FAM177A1: variants seen among roughly 807,000 people sequenced by gnomAD.
FAM177A1 encodes the protein family with sequence similarity 177 member A1.
A neutral mutation model predicts 26.1 loss-of-function variants in FAM177A1; 22 were observed. The ratio of observed to expected loss-of-function variants is 0.84; its 90% CI spans 0.60 to 1.20. The LOEUF (loss-of-function observed/expected upper bound fraction) is 1.20. Ranked by LOEUF, FAM177A1 falls within the 50% of genes most tolerant of loss-of-function variation. The pLI is 0.00. For synonymous variants in FAM177A1, 95 were observed against 99.3 expected, an observed-to-expected ratio of 0.96 and a Z score of 0.26; for missense variants, 296 against 291.1, an observed-to-expected ratio of 1.02 and a Z score of -0.12.
At chr14:35,062,752 C>A (rs1360696189) in intron 2 of FAM177A1, among the ~76,000 whole-genome samples, 1 of 150,504 alleles carries the variant, frequency 6.6e-6, no homozygotes, top group Admixed American at 6.6e-5. Flanking sequence ...CATGATCATG[C>A]CACTGTACTC....
At chr14:35,078,843 G>C (rs1240921244) in intron 3 of FAM177A1, 84 bp from the exon 4 acceptor site, 2 of 867,652 alleles carry the variant, frequency 2.3e-6, no homozygotes, top group Non-Finnish European at 3.4e-6. Context: ...AGTAACTCTT[G>C]TATTCCTACA....
intron 1 of FAM177A1, among the ~76,000 whole-genome samples, chr14:35,050,628 T>C: frequency 6.6e-6 from 1 of 151,012 alleles, no homozygotes; most frequent in South Asian, 2.1e-4. Flanking sequence ...AAGCCTCTAC[T>C]GTCTTGGGGG....
At chr14:35,050,318 A>G (rs2044944470) in intron 1 of FAM177A1, 1 of 152,026 alleles carries the variant, frequency 6.6e-6, no homozygotes, top group South Asian at 2.1e-4. Flanking sequence ...CACAGTGTAA[A>G]TTTTATTTGT....
intron 2 of FAM177A1, among the ~76,000 whole-genome samples, chr14:35,072,853 C>A (rs756399145): frequency 6.6e-6 from 1 of 152,138 alleles, no homozygotes; most frequent in Non-Finnish European, 1.5e-5. Flanking sequence ...CCCTCCACCC[C>A]CCCTTTCCTT....
chr14:35,060,002 T>C (rs1250385751), intron 2 of FAM177A1, among the ~76,000 whole-genome samples: 1 of 147,306 alleles, frequency 6.8e-6, no homozygotes, highest in African/African-American at 2.5e-5. Context: ...AGATGGAGTT[T>C]CACTCTTGTC....
intron 2 of FAM177A1, among the ~76,000 whole-genome samples, chr14:35,057,986 T>C (rs753453305): frequency 6.6e-6 from 1 of 152,158 alleles, no homozygotes; most frequent in Non-Finnish European, 1.5e-5. Context: ...CTGTGAGGTC[T>C]AATTGATTTT....
At chr14:35,060,433 C>A (rs1253385326) in intron 2 of FAM177A1, among the ~76,000 whole-genome samples, 1 of 151,770 alleles carries the variant, frequency 6.6e-6, no homozygotes, top group Non-Finnish European at 1.5e-5. Context: ...TCTGTTAAAT[C>A]CAGCATCTTG....
At position 35,081,250 on chromosome 14, in the gene FAM177A1, CAAACTCTT is replaced by C; in HGVS notation, c.*25_*32del. On this transcript the variant is annotated 3_prime_UTR_variant, in exon 5 of 5. Transcript: ENST00000280987. ...ATAAAATGAAATGACTATCAAGCTT[CAAACTCTT>C]AAGTTTTTTTTTTTTAATACAAAAA... 1 of 1,575,228 alleles carries C rather than the reference CAAACTCTT, an allele frequency of 6.3e-7. No homozygotes were observed. The highest frequency in any genetic ancestry group is 8.6e-7 in the Non-Finnish European group (1 of 1,166,900).
chr14:35,052,046 C>T (rs1476576098), intron 1 of FAM177A1, among the ~76,000 whole-genome samples: 2 of 152,138 alleles, frequency 1.3e-5, no homozygotes, highest in African/African-American at 2.4e-5. Flanking sequence ...GAGAATTCTA[C>T]GAACATAGAC....
At chr14:35,066,395 T>C (rs1344614701) in intron 2 of FAM177A1, among the ~76,000 whole-genome samples, 2 of 148,114 alleles carry the variant, frequency 1.4e-5, no homozygotes, top group Admixed American at 6.7e-5. Context: ...TTTAAAGTAG[T>C]AAAAGAGCAT....
At chr14:35,080,242 C>T (rs777027451) in intron 4 of FAM177A1, among the ~76,000 whole-genome samples, 1 of 152,162 alleles carries the variant, frequency 6.6e-6, no homozygotes, top group Non-Finnish European at 1.5e-5. Flanking sequence ...CTTAACTTCC[C>T]TACTAAGTTG....
chr14:35,079,601 C>T (rs934512201), intron 4 of FAM177A1, among the ~76,000 whole-genome samples: 17 of 152,112 alleles, frequency 1.1e-4, no homozygotes. Context: ...AACTTTGTAA[C>T]CTTGGACAGA....
At chr14:35,056,493 C>CTA (rs1226094223) in intron 2 of FAM177A1, among the ~76,000 whole-genome samples, 21 of 151,978 alleles carry the variant, frequency 1.4e-4, no homozygotes, top group African/African-American at 5.1e-4. Context: ...GTAGCTGGGA[C>CTA]TACAGGCACA....
intron 2 of FAM177A1, chr14:35,054,550 T>C (rs2045029389): frequency 6.6e-6 from 1 of 152,170 alleles, no homozygotes; most frequent in Non-Finnish European, 1.5e-5. Flanking sequence ...TAAATAAATA[T>C]ATACTATAAT....
At chr14:35,071,761 T>C (rs2045325043) in intron 2 of FAM177A1, among the ~76,000 whole-genome samples, 1 of 152,168 alleles carries the variant, frequency 6.6e-6, no homozygotes, top group Non-Finnish European at 1.5e-5. Context: ...CTGAGAAACA[T>C]ATTTACAGTT....
intron 2 of FAM177A1, among the ~76,000 whole-genome samples, chr14:35,063,535 G>A (rs1219151525): frequency 6.6e-5 from 10 of 151,736 alleles, no homozygotes; most frequent in African/African-American, 9.7e-5. Context: ...TCAAGATCCC[G>A]CCATTGCACT....
chr14:35,077,638 G>A (rs542854696), intron 3 of FAM177A1, among the ~76,000 whole-genome samples: 10 of 151,682 alleles, frequency 6.6e-5, no homozygotes, highest in South Asian at 2.1e-4. Flanking sequence ...GCCCGCCACC[G>A]CGCCCGGCTA....
chr14:35,054,089 G>T (rs1004184424), intron 2 of FAM177A1, among the ~76,000 whole-genome samples: 3 of 152,094 alleles, frequency 2.0e-5, no homozygotes, highest in Middle Eastern at 3.2e-3. Flanking sequence ...AAAACTTAGG[G>T]AGTTGTCAGC....
upstream of FAM177A1, among the ~76,000 whole-genome samples, chr14:35,045,706 G>T (rs1158861852): frequency 6.6e-6 from 1 of 152,050 alleles, no homozygotes; most frequent in Non-Finnish European, 1.5e-5. Context: ...TGAACATTGC[G>T]AAAGACGGAA....
Sources: gnomAD v4.1 joint callset for allele counts (sites outside exome capture counted in the v4.1 genomes callset) on GRCh38, gnomAD v4.1.1 for gene constraint, MANE v1.5 for transcripts, NCBI Gene and HGNC (gene_info 2026-07-23, HGNC 2026-07-21) for gene names.